LIN28B: variants seen among roughly 807,000 people sequenced by gnomAD.
The protein encoded by LIN28B is protein lin-28 homolog B.
In LIN28B, 5 loss-of-function variants were observed where a neutral mutation model predicts 21.9. The ratio of observed to expected loss-of-function variants is 0.23; its 90% CI spans 0.12 to 0.48. The LOEUF (loss-of-function observed/expected upper bound fraction) is 0.48, where lower values mean the gene tolerates loss of function less well. Ranked by LOEUF, LIN28B falls within the 20% of genes least tolerant of loss-of-function variation. The probability of loss-of-function intolerance (pLI) is 0.98; values close to 1 mark genes in which losing one functional copy is unlikely to be tolerated. For missense variants in LIN28B, 245 were observed against 310.5 expected, an observed-to-expected ratio of 0.79 and a Z score of 1.58; for synonymous variants, 109 against 111.3, an observed-to-expected ratio of 0.98 and a Z score of 0.13.
At chr6:104,966,293 A>C (rs983719585) in intron 2 of LIN28B, among the ~76,000 whole-genome samples, 2 of 152,186 alleles carry the variant, frequency 1.3e-5, no homozygotes, top group African/African-American at 4.8e-5. Flanking sequence ...TATGGGTAAA[A>C]TGTGATAAAT....
At chr6:104,945,719 T>G (rs1778148420) in intron 2 of LIN28B, among the ~76,000 whole-genome samples, 1 of 152,112 alleles carries the variant, frequency 6.6e-6, no homozygotes, top group Admixed American at 6.5e-5. Flanking sequence ...TTATTTCATA[T>G]GTTGGAAAAT....
At chr6:105,050,169 C>T (rs901965785) in intron 3 of LIN28B, among the ~76,000 whole-genome samples, 19 of 152,166 alleles carry the variant, frequency 1.2e-4, no homozygotes, top group African/African-American at 4.3e-4. Flanking sequence ...TTAGTGCTTC[C>T]TTCAGGAGCT....
intron 2 of LIN28B, among the ~76,000 whole-genome samples, chr6:105,023,561 A>AT (rs375122731): frequency 0.25 from 238 of 956 alleles, 101 homozygotes; most frequent in African/African-American, 0.57. Flanking sequence ...ACCTATATAT[A>AT]TATATAATAT....
At chr6:104,958,011 A>G in intron 1 of LIN28B, 88 bp from the exon 2 acceptor site, 1 of 1,001,058 alleles carries the variant, frequency 1.0e-6, no homozygotes, top group Non-Finnish European at 1.4e-6. Flanking sequence ...TTCCCCCCCA[A>G]CCCCAGGCAG....
Position 105,066,132 on chromosome 6 carries a change from C to T in LIN28B, c.384-12282C>T, listed in dbSNP as rs548558753. Among the ~76,000 whole-genome samples, 4 of 152,278 alleles carry T rather than the reference C, an allele frequency of 2.6e-5. No individual in the cohort carries two copies. In the South Asian group the frequency reaches 6.2e-4, roughly 24 times the overall value. On this transcript the variant is annotated intron_variant, in intron 3 of 3. Coordinates refer to ENST00000345080, the MANE Select transcript of LIN28B (RefSeq NM_001004317.4). ...AGGCTGTAGTGAGCTGTGATGGTGC[C>T]ATTGCACTCCAGTCTGGGTGACACA...
At chr6:105,006,383 C>G (rs1430541439) in intron 2 of LIN28B, among the ~76,000 whole-genome samples, 1 of 152,154 alleles carries the variant, frequency 6.6e-6, no homozygotes, top group Non-Finnish European at 1.5e-5. Context: ...ACAATCTCAG[C>G]TCACTGCAAT....
chr6:104,994,820 T>C (rs921715100), intron 2 of LIN28B, among the ~76,000 whole-genome samples: 3 of 152,178 alleles, frequency 2.0e-5, no homozygotes, highest in Admixed American at 6.5e-5. Flanking sequence ...CTTAAACTTA[T>C]TGAAAGGTCG....
chr6:105,033,016 C>G (rs1020172838), intron 3 of LIN28B, among the ~76,000 whole-genome samples: 2 of 151,794 alleles, frequency 1.3e-5, no homozygotes, highest in African/African-American at 4.8e-5. Flanking sequence ...TCTTAAATAT[C>G]TTTTCTAGAA....
chr6:105,000,983 A>G (rs1770706546), intron 2 of LIN28B, among the ~76,000 whole-genome samples: 1 of 151,726 alleles, frequency 6.6e-6, no homozygotes, highest in Non-Finnish European at 1.5e-5. Flanking sequence ...ATGTGAAAAC[A>G]TATATATATT....
At chr6:105,018,814 G>A (rs1333804761) in intron 2 of LIN28B, among the ~76,000 whole-genome samples, 1 of 151,886 alleles carries the variant, frequency 6.6e-6, no homozygotes, top group Admixed American at 6.6e-5. Context: ...TTCTGAGAGT[G>A]CTTTTTAAAT....
intron 3 of LIN28B, among the ~76,000 whole-genome samples, chr6:105,037,989 A>G (rs1026077077): frequency 2.0e-5 from 3 of 152,150 alleles, no homozygotes; most frequent in Admixed American, 6.5e-5. Context: ...CATAAGGCAA[A>G]GCTTTACAAC....
At chr6:105,054,365 C>A (rs1356902400) in intron 3 of LIN28B, among the ~76,000 whole-genome samples, 1 of 152,160 alleles carries the variant, frequency 6.6e-6, no homozygotes, top group Non-Finnish European at 1.5e-5. Context: ...TCACCACCAC[C>A]CTGGTGTCAT....
chr6:104,986,787 T>C (rs1165728534), intron 2 of LIN28B, among the ~76,000 whole-genome samples: 1 of 152,188 alleles, frequency 6.6e-6, no homozygotes, highest in Non-Finnish European at 1.5e-5. Context: ...CTTGTTGCAA[T>C]CCAAAACCAG....
chr6:104,944,596 A>G (rs1408069482), intron 2 of LIN28B, among the ~76,000 whole-genome samples: 1 of 152,106 alleles, frequency 6.6e-6, no homozygotes, highest in Non-Finnish European at 1.5e-5. Context: ...GAAATTTTCT[A>G]TTGTTTGAAA....
intron 2 of LIN28B, among the ~76,000 whole-genome samples, chr6:104,937,998 G>T (rs188526560): frequency 7.8e-4 from 93 of 119,716 alleles, no homozygotes; most frequent in African/African-American, 2.9e-3. Context: ...AGGATATCTT[G>T]CCACCAGAAG....
intron 3 of LIN28B, among the ~76,000 whole-genome samples, chr6:105,067,568 C>G (rs1009775906): frequency 2.0e-5 from 3 of 152,148 alleles, no homozygotes; most frequent in African/African-American, 7.2e-5. Flanking sequence ...CTTTCTCTCT[C>G]TCTCTTTTTT....
At chr6:105,060,645 G>A (rs113798927) in intron 3 of LIN28B, among the ~76,000 whole-genome samples, 4 of 152,286 alleles carry the variant, frequency 2.6e-5, no homozygotes, top group Middle Eastern at 3.4e-3. Context: ...GTTTAGGAGA[G>A]TTGACTTCCA....
At chr6:104,982,313 CAAA>C (rs146674332) in intron 2 of LIN28B, among the ~76,000 whole-genome samples, 1 of 125,696 alleles carries the variant, frequency 8.0e-6, no homozygotes, top group African/African-American at 2.9e-5. Flanking sequence ...GACTTCATCT[CAAA>C]AAAAAAAAAA....
intron 3 of LIN28B, among the ~76,000 whole-genome samples, chr6:105,060,052 C>T (rs1772097227): frequency 6.6e-6 from 1 of 152,000 alleles, no homozygotes. Context: ...TACAGACATG[C>T]ACCACCATGG....
Sources: gnomAD v4.1 joint callset for allele counts (sites outside exome capture counted in the v4.1 genomes callset) on GRCh38, gnomAD v4.1.1 for gene constraint, MANE v1.5 for transcripts, NCBI Gene and HGNC (gene_info 2026-07-23, HGNC 2026-07-21) for gene names.